TPD52L1: variants seen among roughly 807,000 people sequenced by gnomAD.
TPD52L1 encodes the protein TPD52 like 1.
In TPD52L1, 18 loss-of-function variants were observed where a neutral mutation model predicts 28.7. That is an observed-to-expected ratio of 0.63 (90% CI 0.43 to 0.93). TPD52L1 has a LOEUF of 0.93. Among genes scored for constraint, TPD52L1 ranks in the 40% least tolerant of loss-of-function variants. The pLI is 0.00. For missense variants in TPD52L1, 203 were observed against 254.8 expected, an observed-to-expected ratio of 0.80 and a Z score of 1.39; for synonymous variants, 75 against 88.8, an observed-to-expected ratio of 0.84 and a Z score of 0.88.
chr6:125,249,763 T>C (rs369836178), intron 4 of TPD52L1, among the ~76,000 whole-genome samples: 63 of 151,438 alleles, frequency 4.2e-4, no homozygotes, highest in Admixed American at 6.6e-4. Context: ...TTTACACTTA[T>C]AGATACATCT....
At chr6:125,174,027 C>T (rs1791668425) in intron 1 of TPD52L1, among the ~76,000 whole-genome samples, 1 of 152,156 alleles carries the variant, frequency 6.6e-6, no homozygotes, top group South Asian at 2.1e-4. Context: ...GCGATGTGAC[C>T]TTTAACTTCC....
At chr6:125,254,196 A>C (rs905805256) in intron 5 of TPD52L1, among the ~76,000 whole-genome samples, 2 of 152,194 alleles carry the variant, frequency 1.3e-5, no homozygotes, top group Admixed American at 1.3e-4. Context: ...TCTAGAGAGG[A>C]TATCATTAGG....
chr6:125,191,305 A>T (rs1793022001), intron 1 of TPD52L1, among the ~76,000 whole-genome samples: 1 of 152,160 alleles, frequency 6.6e-6, no homozygotes, highest in Admixed American at 6.5e-5. Flanking sequence ...TTGCACCTGT[A>T]TGTCGCTCAT....
intron 1 of TPD52L1, among the ~76,000 whole-genome samples, chr6:125,171,756 C>G (rs1791314177): frequency 6.6e-6 from 1 of 152,190 alleles, no homozygotes; most frequent in South Asian, 2.1e-4. Flanking sequence ...ACTGCAGCTT[C>G]ATGAGACCCT....
intron 1 of TPD52L1, among the ~76,000 whole-genome samples, chr6:125,176,778 G>A (rs995030792): frequency 1.3e-5 from 2 of 152,142 alleles, no homozygotes; most frequent in Non-Finnish European, 2.9e-5. Context: ...ACTCACACCT[G>A]TAATCCCAGC....
chr6:125,206,772 C>T (rs886820369), intron 1 of TPD52L1, among the ~76,000 whole-genome samples: 27 of 152,040 alleles, frequency 1.8e-4, no homozygotes, highest in Non-Finnish European at 1.5e-5. Flanking sequence ...GCAATGTGTT[C>T]AAAATATTCA....
intron 5 of TPD52L1, among the ~76,000 whole-genome samples, chr6:125,255,012 G>A (rs376921347): frequency 8.5e-5 from 13 of 152,202 alleles, no homozygotes; most frequent in African/African-American, 2.9e-4. Flanking sequence ...ACAGATTCAA[G>A]ATTGCTTAAT....
At chr6:125,154,558 G>A (rs1378824043) in intron 1 of TPD52L1, 1 of 983,764 alleles carries the variant, frequency 1.0e-6, no homozygotes, top group East Asian at 1.1e-4. Flanking sequence ...CGCGATCGGG[G>A]AGCGACCTCT....
chr6:125,242,262 C>T (rs1796658555), intron 3 of TPD52L1, among the ~76,000 whole-genome samples: 1 of 151,990 alleles, frequency 6.6e-6, no homozygotes, highest in Non-Finnish European at 1.5e-5. Context: ...AGAGTGTATA[C>T]TGCAATTGTT....
chr6:125,220,766 G>C (rs759874597), intron 2 of TPD52L1, among the ~76,000 whole-genome samples: 4 of 152,204 alleles, frequency 2.6e-5, no homozygotes, highest in African/African-American at 4.8e-5. Flanking sequence ...GACCTAGGGA[G>C]GAGGAGGATG....
At chr6:125,183,244 G>A (rs941861277) in intron 1 of TPD52L1, among the ~76,000 whole-genome samples, 4 of 152,138 alleles carry the variant, frequency 2.6e-5, no homozygotes, top group Admixed American at 1.3e-4. Context: ...TTGGGAAGCC[G>A]AGGTGGGTGG....
At chr6:125,218,915 A>G (rs1795051334) in intron 1 of TPD52L1, among the ~76,000 whole-genome samples, 2 of 152,184 alleles carry the variant, frequency 1.3e-5, no homozygotes, top group South Asian at 4.1e-4. Flanking sequence ...AAAGGAAAAA[A>G]ACTCAGCAAA....
chr6:125,257,313 T>C (rs1797666745), intron 6 of TPD52L1, 155 bp downstream of exon 6: 1 of 574,186 alleles, frequency 1.7e-6, no homozygotes, highest in South Asian at 2.6e-5. Flanking sequence ...ATAAAACCAC[T>C]ATTGAATAGT....
Position 125,167,656 on chromosome 6 carries a change from G to C in TPD52L1, c.19+13686G>C, listed in dbSNP as rs564639090. Among the ~76,000 whole-genome samples, 81 of 152,194 alleles carry C rather than the reference G, an allele frequency of 5.3e-4. 1 individual carries two copies. Among genetic ancestry groups the C allele is most frequent in the Non-Finnish European group, 4.4e-5 (3 of 68,006 alleles). On this transcript the variant is annotated intron_variant, in intron 1 of 6. Transcript: ENST00000534000. ...AAACCTGCATGTAGAAAATATGAGG[G>C]TGCTATTCATCAGTCAGAAGACATG...
intron 1 of TPD52L1, among the ~76,000 whole-genome samples, chr6:125,199,604 G>A (rs1354032286): frequency 6.6e-6 from 1 of 152,160 alleles, no homozygotes; most frequent in East Asian, 1.9e-4. Flanking sequence ...AGAATCACTT[G>A]AACCTGGGAG....
At chr6:125,207,979 C>T (rs1794257195) in intron 1 of TPD52L1, among the ~76,000 whole-genome samples, 1 of 152,202 alleles carries the variant, frequency 6.6e-6, no homozygotes, top group African/African-American at 2.4e-5. Context: ...GAAACACACA[C>T]ATTTATTCCA....
At chr6:125,220,035 T>A in intron 1 of TPD52L1, 43 bp from the exon 2 acceptor site, 1 of 1,436,104 alleles carries the variant, frequency 7.0e-7, no homozygotes, top group South Asian at 1.1e-5. Flanking sequence ...TGGTTTAAAT[T>A]CACTTTAAAA....
At chr6:125,198,068 A>G (rs1793561753) in intron 1 of TPD52L1, among the ~76,000 whole-genome samples, 1 of 152,200 alleles carries the variant, frequency 6.6e-6, no homozygotes, top group Non-Finnish European at 1.5e-5. Flanking sequence ...CTGGGCTTCA[A>G]GCCAAGACCA....
At chr6:125,170,636 T>C (rs1476469874) in intron 1 of TPD52L1, among the ~76,000 whole-genome samples, 1 of 152,066 alleles carries the variant, frequency 6.6e-6, no homozygotes, top group Non-Finnish European at 1.5e-5. Context: ...GCTACTGCTA[T>C]TGCTGTGAGT....
Sources: gnomAD v4.1 joint callset for allele counts (sites outside exome capture counted in the v4.1 genomes callset) on GRCh38, gnomAD v4.1.1 for gene constraint, MANE v1.5 for transcripts, NCBI Gene and HGNC (gene_info 2026-07-23, HGNC 2026-07-21) for gene names.